The following NPTN variants were observed in gnomAD, a reference collection of about 807,000 sequenced individuals.
NPTN encodes the protein neuroplastin.
NPTN carries 5 observed loss-of-function variants against 42.7 expected under a neutral mutation model. The ratio of observed to expected loss-of-function variants is 0.12; its 90% confidence interval spans 0.06 to 0.25. NPTN has a LOEUF of 0.25. Among genes scored for constraint, NPTN ranks in the 10% least tolerant of loss-of-function variants. The pLI is 1.00. For synonymous variants in NPTN, 180 were observed against 201.9 expected, an observed-to-expected ratio of 0.89 and a Z score of 0.92; for missense variants, 307 against 525.4, an observed-to-expected ratio of 0.58 and a Z score of 4.06.
chr15:73,575,927 C>CT (rs1433057745), intron 4 of NPTN, among the ~76,000 whole-genome samples: 7 of 151,826 alleles, frequency 4.6e-5, no homozygotes, highest in South Asian at 2.1e-4. Context: ...AAGGAAATAT[C>CT]TTTTTTTTTC....
intron 1 of NPTN, among the ~76,000 whole-genome samples, chr15:73,631,214 G>A (rs954706961): frequency 6.6e-6 from 1 of 152,308 alleles, no homozygotes; most frequent in South Asian, 2.1e-4. Context: ...CACCTATTGT[G>A]CAAAATGAAA....
At position 73,589,753 on chromosome 15, in the gene NPTN, T is replaced by C. The variant is rs186808423; in HGVS notation, c.612-2135A>G. Among the ~76,000 whole-genome samples the C allele has an allele frequency of 4.0e-4, 61 of 152,156 alleles. No homozygotes were observed. In the East Asian group the frequency reaches 0.011, roughly 27 times the overall value. ...AAGAGACTATGGACGAGGAGAGACATAGCCTATCCCCAGAGCTGTCTCAAG... is the reference window on the plus strand; with the variant it reads ...AAGAGACTATGGACGAGGAGAGACACAGCCTATCCCCAGAGCTGTCTCAAG... On this transcript the variant is annotated intron_variant, in intron 3 of 8. Coordinates refer to ENST00000345330, the MANE Select transcript of NPTN (RefSeq NM_012428.4).
intron 5 of NPTN, among the ~76,000 whole-genome samples, chr15:73,571,008 C>T (rs1464511269): frequency 1.1e-4 from 16 of 152,218 alleles, no homozygotes; most frequent in Non-Finnish European, 1.9e-4. Context: ...TGGCTGGGCA[C>T]AGAGGCTCAT....
intron 1 of NPTN, among the ~76,000 whole-genome samples, chr15:73,617,431 G>A (rs555278615): frequency 6.6e-5 from 10 of 152,280 alleles, no homozygotes; most frequent in African/African-American, 2.2e-4. Flanking sequence ...CAATGCAGGA[G>A]GATTCATCCT....
chr15:73,580,018 T>G (rs1430592820), intron 4 of NPTN, among the ~76,000 whole-genome samples: 1 of 152,186 alleles, frequency 6.6e-6, no homozygotes, highest in Non-Finnish European at 1.5e-5. Flanking sequence ...TTTGTATGTA[T>G]AGATACAAAT....
intron 1 of NPTN, among the ~76,000 whole-genome samples, chr15:73,627,884 TAAG>T (rs1418796564): frequency 2.0e-5 from 3 of 152,148 alleles, no homozygotes; most frequent in Non-Finnish European, 4.4e-5. Flanking sequence ...TTAAATTCAG[TAAG>T]AAGTTTTGTT....
At chr15:73,625,172 T>C (rs1898333892) in intron 1 of NPTN, among the ~76,000 whole-genome samples, 1 of 152,212 alleles carries the variant, frequency 6.6e-6, no homozygotes, top group African/African-American at 2.4e-5. Context: ...TCACGGCCCA[T>C]GAATTGTGAA....
chr15:73,619,969 T>C (rs1267253510), intron 1 of NPTN, among the ~76,000 whole-genome samples: 2 of 152,186 alleles, frequency 1.3e-5, no homozygotes, highest in African/African-American at 2.4e-5. Flanking sequence ...GTATGCGTTA[T>C]GTCTAATAAG....
chr15:73,605,988 G>C (rs1897282917), intron 1 of NPTN, among the ~76,000 whole-genome samples: 1 of 151,532 alleles, frequency 6.6e-6, no homozygotes, highest in South Asian at 2.1e-4. Flanking sequence ...CTTGAATGCA[G>C]GAGGTGGAGG....
intron 4 of NPTN, 125 bp from the exon 5 acceptor site, chr15:73,573,920 G>T: frequency 8.1e-7 from 1 of 1,237,530 alleles, no homozygotes; most frequent in Non-Finnish European, 1.1e-6. Context: ...GTCATACTCA[G>T]CTTTGATGAA....
At chr15:73,589,086 C>T (rs1374037433) in intron 3 of NPTN, among the ~76,000 whole-genome samples, 1 of 152,074 alleles carries the variant, frequency 6.6e-6, no homozygotes, top group African/African-American at 2.4e-5. Context: ...AATCCCAGCA[C>T]TTTGGGAGGC....
chr15:73,573,444 C>G (rs1028057816), intron 5 of NPTN, among the ~76,000 whole-genome samples: 2 of 152,170 alleles, frequency 1.3e-5, no homozygotes, highest in Admixed American at 6.5e-5. Flanking sequence ...TAATCTCTTA[C>G]CAGAGGGACA....
At chr15:73,613,569 T>TA (rs1468338445) in intron 1 of NPTN, among the ~76,000 whole-genome samples, 23 of 151,212 alleles carry the variant, frequency 1.5e-4, no homozygotes, top group South Asian at 2.1e-4. Flanking sequence ...AAACTCTGGT[T>TA]AAAAAAAAAC....
chr15:73,563,136 C>T, intron 7 of NPTN, 100 bp downstream of exon 7: 1 of 862,734 alleles, frequency 1.2e-6, no homozygotes, highest in South Asian at 1.4e-5. Flanking sequence ...TTTCCACTCA[C>T]TGTCTTCCCC....
At chr15:73,601,440 C>T (rs1350773632) in intron 1 of NPTN, among the ~76,000 whole-genome samples, 1 of 152,188 alleles carries the variant, frequency 6.6e-6, no homozygotes. Context: ...CCTTATTATC[C>T]ATCCAAAATT....
intron 5 of NPTN, 58 bp downstream of exon 5, chr15:73,573,604 C>A: frequency 8.0e-6 from 12 of 1,505,476 alleles, no homozygotes; most frequent in Non-Finnish European, 1.1e-5. Flanking sequence ...ACCCACGTGT[C>A]TGGACCTCTG....
chr15:73,571,561 T>C (rs1353972404), intron 5 of NPTN, among the ~76,000 whole-genome samples: 1 of 152,088 alleles, frequency 6.6e-6, no homozygotes, highest in African/African-American at 2.4e-5. Context: ...TGCACTAGAC[T>C]GTGGAGGAGG....
chr15:73,609,072 T>C (rs1370231960), intron 1 of NPTN, among the ~76,000 whole-genome samples: 1 of 152,214 alleles, frequency 6.6e-6, no homozygotes, highest in African/African-American at 2.4e-5. Flanking sequence ...TGGAACTTTC[T>C]ACATAATTAT....
At chr15:73,627,132 A>C (rs1405620603) in intron 1 of NPTN, among the ~76,000 whole-genome samples, 2 of 152,164 alleles carry the variant, frequency 1.3e-5, no homozygotes, top group African/African-American at 4.8e-5. Flanking sequence ...CTACTCAGGA[A>C]GCTGAGGCAG....
Sources: gnomAD v4.1 joint callset for allele counts (sites outside exome capture counted in the v4.1 genomes callset) on GRCh38, gnomAD v4.1.1 for gene constraint, MANE v1.5 for transcripts, NCBI Gene and HGNC (gene_info 2026-07-23, HGNC 2026-07-21) for gene names.